Variants in RERE observed in about 807,000 individuals in gnomAD.
RERE encodes the protein arginine-glutamic acid dipeptide repeats.
In RERE, 40 loss-of-function variants were observed where a neutral mutation model predicts 146.1. That is an observed-to-expected ratio of 0.27 (90% CI 0.21 to 0.36). RERE has a LOEUF of 0.36. Among genes scored for constraint, RERE ranks in the 10% least tolerant of loss-of-function variants. RERE has a pLI of 1.00. For missense variants in RERE, 1,933 were observed against 2,138.7 expected, an observed-to-expected ratio of 0.90 and a Z score of 1.90; for synonymous variants, 1,003 against 866.0, an observed-to-expected ratio of 1.16 and a Z score of -2.78.
intron 11 of RERE, among the ~76,000 whole-genome samples, chr1:8,458,475 A>C (rs1416372599): frequency 6.6e-6 from 1 of 152,202 alleles, no homozygotes; most frequent in Non-Finnish European, 1.5e-5. Context: ...GATTATCCCA[A>C]GCAGCCAGGA....
intron 7 of RERE, among the ~76,000 whole-genome samples, chr1:8,518,821 C>T (rs1645454089): frequency 6.6e-6 from 1 of 152,174 alleles, no homozygotes; most frequent in African/African-American, 2.4e-5. Context: ...CATATATTCC[C>T]ATTCATTTTT....
At position 8,486,742 on chromosome 1, in the gene RERE, G is replaced by A. The variant is rs1320518157; in HGVS notation, c.1104+8321C>T. 2.9e-5 allele frequency among the ~76,000 whole-genome samples: 4 copies of A among 137,878 alleles called. No homozygotes were observed. In the Admixed American group the frequency reaches 3.0e-4, roughly 10 times the overall value. 90.5% of individuals were successfully genotyped at this position (137,878 alleles called of 152,430 possible). A position where few individuals can be genotyped will look rare whatever the true frequency, so the allele number is the denominator to read the frequency against. On this transcript the variant is annotated intron_variant, in intron 10 of 22. Coordinates refer to ENST00000400908, the MANE Select transcript of RERE (RefSeq NM_001042681.2). Reference sequence around the variant, plus strand: ...GAAACAAATTACCAGCCTTGGCAACGTGGAGTCCATCTTAAAAAAAAAAAA... The same window carrying A: ...GAAACAAATTACCAGCCTTGGCAACATGGAGTCCATCTTAAAAAAAAAAAA...
chr1:8,762,782 T>C (rs950137905), intron 1 of RERE, among the ~76,000 whole-genome samples: 1 of 152,184 alleles, frequency 6.6e-6, no homozygotes, highest in Non-Finnish European at 1.5e-5. Context: ...CATTGATGTT[T>C]CCACCATAAG....
intron 1 of RERE, among the ~76,000 whole-genome samples, chr1:8,808,709 C>T (rs955964552): frequency 1.3e-5 from 2 of 152,066 alleles, no homozygotes; most frequent in Admixed American, 6.6e-5. Context: ...TAACGGTAGA[C>T]AAATACTACA....
At position 8,516,104 on chromosome 1, in the gene RERE, A is replaced by G. The variant is rs188281136; in HGVS notation, c.831-7429T>C. On this transcript the variant is annotated intron_variant, in intron 7 of 22. Transcript: ENST00000400908. ...AGTGGGTGCAGTAGTGGGCACCTATAATCCCGGCTACTTAAGATGCTGAGG... is the reference window on the plus strand; with the variant it reads ...AGTGGGTGCAGTAGTGGGCACCTATGATCCCGGCTACTTAAGATGCTGAGG... Among the ~76,000 whole-genome samples the G allele has an allele frequency of 1.9e-3, 284 of 151,744 alleles. 2 individuals are homozygous for G. The highest frequency in any genetic ancestry group is 2.6e-3 in the Non-Finnish European group (179 of 67,914).
chr1:8,634,718 T>C (rs986678561), intron 2 of RERE, among the ~76,000 whole-genome samples: 4 of 152,294 alleles, frequency 2.6e-5, no homozygotes, highest in East Asian at 3.9e-4. Flanking sequence ...CTTCTTCTAA[T>C]TGAAGTCAAA....
In RERE at chr1:8,364,856, A is replaced by G; in HGVS notation, c.1448-18T>C. 1 of 1,336,348 alleles carries G rather than the reference A, an allele frequency of 7.5e-7. No homozygotes were observed. Among genetic ancestry groups the G allele is most frequent in the Non-Finnish European group, 1.0e-6 (1 of 1,003,326 alleles). 82.8% of individuals were successfully genotyped at this position (1,336,348 alleles called of 1,614,324 possible). A position where few individuals can be genotyped will look rare whatever the true frequency, so the allele number is the denominator to read the frequency against. ...TAGGTCCACTGGGCGTGGCAGGCAC[A>G]TAGTGGGGGTGGGGGAGACACCATC... On this transcript the variant is annotated intron_variant, in intron 13 of 22. Transcript: ENST00000400908. The surrounding 1 kb of genome is among the most constrained non-coding windows in gnomAD (Gnocchi z 5.1).
intron 7 of RERE, among the ~76,000 whole-genome samples, chr1:8,511,284 T>G (rs905924653): frequency 3.3e-5 from 5 of 152,118 alleles, no homozygotes; most frequent in Admixed American, 2.6e-4. Flanking sequence ...TTGTTTAAGT[T>G]TATAACAGGG....
chr1:8,425,090 G>T, intron 11 of RERE: 1 of 152,384 alleles, frequency 6.6e-6, no homozygotes, highest in Non-Finnish European at 1.5e-5. Flanking sequence ...TGGCAGTGTG[G>T]CCTAAGTGTA....
chr1:8,366,941 A>C (rs538251543), intron 12 of RERE, among the ~76,000 whole-genome samples: 22 of 145,804 alleles, frequency 1.5e-4, no homozygotes, highest in East Asian at 4.0e-4. Context: ...AAAAAAAAAA[A>C]CCCAAAAAAC....
At chr1:8,776,972 G>A (rs1248405980) in intron 1 of RERE, among the ~76,000 whole-genome samples, 4 of 151,434 alleles carry the variant, frequency 2.6e-5, no homozygotes, top group South Asian at 2.1e-4. Flanking sequence ...CAAGCTATCC[G>A]CCTGTCTCCA....
chr1:8,805,009 T>C lies in RERE; in HGVS notation c.-145+12151A>G, dbSNP rs1205032953. 1.0e-3 allele frequency among the ~76,000 whole-genome samples: 76 copies of C among 75,710 alleles called. 1 individual carries two copies. Among genetic ancestry groups the C allele is most frequent in the Non-Finnish European group, 1.8e-3 (63 of 34,300 alleles). 49.7% of individuals were successfully genotyped at this position (75,710 alleles called of 152,430 possible). A position where few individuals can be genotyped will look rare whatever the true frequency, so the allele number is the denominator to read the frequency against. ...TTTTTTTGTTTTGTTTTGTTTTTGG[T>C]TTTTTTTTTTTTTTTTTTTGAGACA... On this transcript the variant is annotated intron_variant, in intron 1 of 22. Transcript: ENST00000400908.
intron 1 of RERE, among the ~76,000 whole-genome samples, chr1:8,791,873 A>G (rs1232148906): frequency 6.6e-6 from 1 of 152,238 alleles, no homozygotes; most frequent in Non-Finnish European, 1.5e-5. Context: ...GAAACCATTT[A>G]AAGACAAAGG....
At chr1:8,676,883 C>T (rs1638851449) in intron 1 of RERE, among the ~76,000 whole-genome samples, 1 of 152,228 alleles carries the variant, frequency 6.6e-6, no homozygotes, top group African/African-American at 2.4e-5. Context: ...ATGCCACCTA[C>T]ATTTGTCTCA....
At chr1:8,758,913 T>C (rs1189506642) in intron 1 of RERE, among the ~76,000 whole-genome samples, 2 of 152,052 alleles carry the variant, frequency 1.3e-5, no homozygotes, top group Non-Finnish European at 2.9e-5. Flanking sequence ...ACAATGTATA[T>C]ATATTTCAAA....
intron 1 of RERE, among the ~76,000 whole-genome samples, chr1:8,815,709 C>T (rs1419656354): frequency 1.3e-5 from 2 of 152,136 alleles, no homozygotes; most frequent in South Asian, 2.1e-4. Context: ...ACCCTCCCTT[C>T]CCCCATCTTC....
At chr1:8,547,096 A>C (rs1358438607) in intron 6 of RERE, among the ~76,000 whole-genome samples, 4 of 151,780 alleles carry the variant, frequency 2.6e-5, no homozygotes, top group African/African-American at 7.3e-5. Context: ...TTAAAAAAAA[A>C]AAAACAAAAT....
At chr1:8,801,151 G>A (rs897584817) in intron 1 of RERE, among the ~76,000 whole-genome samples, 110 of 151,696 alleles carry the variant, frequency 7.3e-4, no homozygotes, top group African/African-American at 2.6e-3. Context: ...CTCAGCTACT[G>A]GAGGGGGTTG....
At chr1:8,701,599 C>T (rs1639452184) in intron 1 of RERE, among the ~76,000 whole-genome samples, 1 of 151,936 alleles carries the variant, frequency 6.6e-6, no homozygotes, top group Non-Finnish European at 1.5e-5. Context: ...TCATCAGCCA[C>T]GGGGAGGGAA....
Sources: gnomAD v4.1 joint callset for allele counts (sites outside exome capture counted in the v4.1 genomes callset) on GRCh38, gnomAD v4.1.1 for gene constraint, Gnocchi (gnomAD v3.1) non-coding constraint, MANE v1.5 for transcripts, NCBI Gene and HGNC (gene_info 2026-07-23, HGNC 2026-07-21) for gene names.